The following ERBB4 variants were observed in gnomAD, a reference collection of about 807,000 sequenced individuals.
The protein encoded by ERBB4 is erb-b2 receptor tyrosine kinase 4, also known as receptor tyrosine-protein kinase erbB-4.
In ERBB4, 42 loss-of-function variants were observed where a neutral mutation model predicts 158.0. That is an observed-to-expected ratio of 0.27 (90% CI 0.21 to 0.34). The LOEUF (loss-of-function observed/expected upper bound fraction) is 0.34, where lower values mean the gene tolerates loss of function less well. Among genes scored for constraint, ERBB4 ranks in the 10% least tolerant of loss-of-function variants. ERBB4 has a pLI of 1.00. For synonymous variants in ERBB4, 583 were observed against 558.7 expected (o/e 1.04, Z -0.61); for missense variants, 1,333 against 1,624.1 (o/e 0.82, Z 3.08).
At chr2:211,860,063 T>C (rs2077973434) in intron 3 of ERBB4, among the ~76,000 whole-genome samples, 1 of 152,202 alleles carries the variant, frequency 6.6e-6, no homozygotes, top group Admixed American at 6.5e-5. Flanking sequence ...ACATCTCTTG[T>C]CATTCATTTT....
At chr2:211,750,498 G>T in intron 5 of ERBB4, 141 bp downstream of exon 5, 1 of 746,866 alleles carries the variant, frequency 1.3e-6, no homozygotes, top group Non-Finnish European at 2.4e-6. Flanking sequence ...AAATCGGGTA[G>T]TTTTCTTGGC....
At chr2:212,169,894 C>T (rs770731916) in intron 1 of ERBB4, among the ~76,000 whole-genome samples, 2 of 152,128 alleles carry the variant, frequency 1.3e-5, no homozygotes, top group Admixed American at 6.6e-5. Flanking sequence ...GAGGCCTCAT[C>T]GGCCATGTGG....
intron 3 of ERBB4, among the ~76,000 whole-genome samples, chr2:211,796,708 C>G (rs1024442883): frequency 6.6e-6 from 1 of 151,848 alleles, no homozygotes; most frequent in Non-Finnish European, 1.5e-5. Context: ...TTCTTAAATA[C>G]TATCTTTAAA....
chr2:211,541,615 A>T (rs2066812123), intron 20 of ERBB4, among the ~76,000 whole-genome samples: 1 of 152,172 alleles, frequency 6.6e-6, no homozygotes, highest in Non-Finnish European at 1.5e-5. Flanking sequence ...TCCATAATAC[A>T]GGTGTTCTTC....
chr2:212,328,922 T>G (rs1033037705), intron 1 of ERBB4, among the ~76,000 whole-genome samples: 6 of 152,036 alleles, frequency 3.9e-5, no homozygotes, highest in African/African-American at 1.4e-4. Flanking sequence ...CTAGGGCCAA[T>G]TTTGGACATG....
chr2:212,518,387 T>C (rs1221453653), intron 1 of ERBB4, among the ~76,000 whole-genome samples: 2 of 152,012 alleles, frequency 1.3e-5, no homozygotes, highest in East Asian at 1.9e-4. Context: ...CAGTTACAAA[T>C]TATATGATTT....
chr2:212,028,137 T>C (rs1164200489), intron 2 of ERBB4, among the ~76,000 whole-genome samples: 1 of 152,100 alleles, frequency 6.6e-6, no homozygotes, highest in Non-Finnish European at 1.5e-5. Flanking sequence ...TGATTTTTTT[T>C]CAGGCTTCAA....
rs192175550 is a variant in ERBB4 at position 212,119,804 on chromosome 2, G to A, written c.234+4948C>T. Among the ~76,000 whole-genome samples the A allele has an allele frequency of 2.5e-3, 376 of 152,200 alleles. 1 individual carries two copies. Among genetic ancestry groups the A allele is most frequent in the Middle Eastern group, 3.4e-3 (1 of 294 alleles). Reference sequence around the variant, plus strand: ...GCATCAAGATTGCTGTAATAAAAGCGTCTTGAAAAGAATGCATTTAAAAGC... The same window carrying A: ...GCATCAAGATTGCTGTAATAAAAGCATCTTGAAAAGAATGCATTTAAAAGC... On this transcript the variant is annotated intron_variant, in intron 2 of 27. Coordinates refer to ENST00000342788, the MANE Select transcript of ERBB4 (RefSeq NM_005235.3).
intron 1 of ERBB4, among the ~76,000 whole-genome samples, chr2:212,421,995 T>A (rs2091803009): frequency 6.6e-6 from 1 of 152,174 alleles, no homozygotes; most frequent in African/African-American, 2.4e-5. Flanking sequence ...AGTTATTACT[T>A]CAGGGAAGGC....
chr2:211,413,727 T>A (rs779288385), intron 25 of ERBB4, among the ~76,000 whole-genome samples: 1 of 147,626 alleles, frequency 6.8e-6, no homozygotes, highest in South Asian at 2.1e-4. Flanking sequence ...GATGCAGGAT[T>A]TTTTTTGCTC....
intron 20 of ERBB4, among the ~76,000 whole-genome samples, chr2:211,496,860 T>C (rs2065481372): frequency 6.6e-6 from 1 of 152,156 alleles, no homozygotes; most frequent in African/African-American, 2.4e-5. Flanking sequence ...TCATGCCTTT[T>C]GTCAAGTATT....
intron 19 of ERBB4, among the ~76,000 whole-genome samples, chr2:211,569,764 T>C (rs578209649): frequency 6.6e-6 from 1 of 152,300 alleles, no homozygotes; most frequent in South Asian, 2.1e-4. Context: ...TGGCATGAGA[T>C]GGGATTGAAA....
intron 1 of ERBB4, among the ~76,000 whole-genome samples, chr2:212,496,864 ACTTT>A (rs2106222869): frequency 6.6e-6 from 1 of 152,200 alleles, no homozygotes; most frequent in South Asian, 2.1e-4. Flanking sequence ...CACAGTCAAT[ACTTT>A]ATTTGCTTTT....
intron 1 of ERBB4, among the ~76,000 whole-genome samples, chr2:212,459,642 G>A (rs1688472946): frequency 6.6e-6 from 1 of 151,962 alleles, no homozygotes; most frequent in East Asian, 1.9e-4. Context: ...AAGCTATCTT[G>A]ACCAAAAAAA....
At chr2:211,754,407 C>CTTTTTTTTT (rs59474280) in intron 4 of ERBB4, among the ~76,000 whole-genome samples, 20 of 138,074 alleles carry the variant, frequency 1.4e-4, no homozygotes, top group South Asian at 7.1e-4. Context: ...GCAATAATCC[C>CTTTTTTTTT]TTTTTTTTTT....
At chr2:212,297,386 A>G (rs1272154773) in intron 1 of ERBB4, among the ~76,000 whole-genome samples, 2 of 151,930 alleles carry the variant, frequency 1.3e-5, no homozygotes, top group African/African-American at 4.8e-5. Context: ...ATTTTTAAAC[A>G]TTAATGTAAC....
At position 212,051,756 on chromosome 2, in the gene ERBB4, A is replaced by G. The variant is rs569924377; in HGVS notation, c.234+72996T>C. On this transcript the variant is annotated intron_variant, in intron 2 of 27. Coordinates refer to ENST00000342788, the MANE Select transcript of ERBB4 (RefSeq NM_005235.3). Reference sequence around the variant, plus strand: ...GATTTTCTTTCACTCATCATGTCCTATTTATTTGCAAGGTTAAATTTTATA... The same window carrying G: ...GATTTTCTTTCACTCATCATGTCCTGTTTATTTGCAAGGTTAAATTTTATA... Among the ~76,000 whole-genome samples, 122 of 152,254 alleles carry G rather than the reference A, an allele frequency of 8.0e-4. 1 individual carries two copies. The highest frequency in any genetic ancestry group is 2.7e-3 in the African/African-American group (112 of 41,542).
chr2:212,133,402 T>TTTTTG (rs1162350747), intron 1 of ERBB4, among the ~76,000 whole-genome samples: 1 of 146,688 alleles, frequency 6.8e-6, no homozygotes, highest in East Asian at 1.9e-4. Flanking sequence ...TGGTGTTTTT[T>TTTTTG]TTTTGTTTTG....
chr2:211,694,909 G>T (rs946497744), intron 12 of ERBB4, among the ~76,000 whole-genome samples: 2 of 152,072 alleles, frequency 1.3e-5, no homozygotes, highest in African/African-American at 4.8e-5. Context: ...AAGAAAATCT[G>T]CCACCTTAGT....
Sources: allele counts gnomAD v4.1 joint callset (sites outside exome capture counted in the v4.1 genomes callset), GRCh38; gene constraint gnomAD v4.1.1; transcripts MANE v1.5; gene names NCBI Gene and HGNC (gene_info 2026-07-23, HGNC 2026-07-21).